VAX1: variants seen among roughly 807,000 people sequenced by gnomAD.
VAX1 encodes the protein ventral anterior homeobox 1.
VAX1 carries 6 observed loss-of-function variants against 17.6 expected under a neutral mutation model. The ratio of observed to expected loss-of-function variants is 0.34; its 90% confidence interval spans 0.19 to 0.67. VAX1 has a LOEUF of 0.67. VAX1 is among the 30% of genes least tolerant of loss of function. VAX1 has a pLI of 0.69. For missense variants in VAX1, 408 were observed against 463.7 expected (o/e 0.88, Z 1.10); for synonymous variants, 256 against 227.4 (o/e 1.13, Z -1.13).
At chr10:117,128,961 T>C (rs1451749631), downstream of VAX1, 1 of 152,156 alleles carries the variant, frequency 6.6e-6, no homozygotes, top group African/African-American at 2.4e-5. Context: ...CTCTCTTTTC[T>C]CTCCTGCTCC....
Position 117,138,085 on chromosome 10 carries a change from GAAAAA to G in VAX1, c.-34_-30del, listed in dbSNP as rs752654441. On this transcript the variant is annotated 5_prime_UTR_variant, in exon 1 of 3. Transcript: ENST00000369206. ...CAAGAACAACAACAAAAACAGAAAG[GAAAAA>G]AAAAGCAAAAAAAAAAAAAAGGGGG... 1 of 217,918 alleles carries G rather than the reference GAAAAA, an allele frequency of 4.6e-6. No individual in the cohort carries two copies. Among genetic ancestry groups the G allele is most frequent in the Middle Eastern group, 6.7e-4 (1 of 1,496 alleles). The allele number at this position is 217,918 out of a possible 1,614,324, so 13.5% of individuals were successfully genotyped here. A position where few individuals can be genotyped will look rare whatever the true frequency, so the allele number is the denominator to read the frequency against.
chr10:117,135,670 G>A (rs971261923), intron 2 of VAX1, among the ~76,000 whole-genome samples: 5 of 152,362 alleles, frequency 3.3e-5, no homozygotes, highest in Non-Finnish European at 5.9e-5. Context: ...GAAGGCTGCC[G>A]TAGCTAGGCC....
downstream of VAX1, chr10:117,129,871 G>A (rs1854062994): frequency 1.3e-5 from 2 of 152,082 alleles, no homozygotes; most frequent in East Asian, 3.9e-4. Flanking sequence ...AAAAAAGGAA[G>A]GAGGGAGAAA....
At chr10:117,132,367 A>C, downstream of VAX1, 1 of 1,610,570 alleles carries the variant, frequency 6.2e-7, no homozygotes. The surrounding 1 kb of genome is among the most constrained non-coding windows in gnomAD (Gnocchi z 4.9). Context: ...CACTCTCACC[A>C]CATAAATACA....
chr10:117,132,435 C>T (rs1343935573), downstream of VAX1: 5 of 1,612,484 alleles, frequency 3.1e-6, no homozygotes, highest in South Asian at 1.1e-5. The surrounding 1 kb of genome is among the most constrained non-coding windows in gnomAD (Gnocchi z 4.9). Context: ...TTCAGTGACA[C>T]CTACCCGCGT....
At chr10:117,131,654 G>GC (rs1328015674), downstream of VAX1, 9 of 152,406 alleles carry the variant, frequency 5.9e-5, no homozygotes, top group African/African-American at 2.2e-4. Flanking sequence ...CGCGGACTTC[G>GC]CCCCGTGCTG....
At position 117,137,216 on chromosome 10, in the gene VAX1, G is replaced by T. The variant is rs1237667634; in HGVS notation, c.242-557C>A. Among the ~76,000 whole-genome samples the T allele has an allele frequency of 1.3e-5, 2 of 152,098 alleles. No homozygotes were observed. Among genetic ancestry groups the T allele is most frequent in the Non-Finnish European group, 2.9e-5 (2 of 68,000 alleles). On this transcript the variant is annotated intron_variant, in intron 1 of 2. Transcript: ENST00000369206. This position sits in a 1 kb window ranked among gnomAD's most constrained non-coding sequence, Gnocchi z 7.4. ...CGGCCTCGCAGCCTCCGCCGCCGGGGCTAAGTGCACGCCGCGCCATCCGAG... is the reference window on the plus strand; with the variant it reads ...CGGCCTCGCAGCCTCCGCCGCCGGGTCTAAGTGCACGCCGCGCCATCCGAG...
Position 117,138,085 on chromosome 10 carries a change from GA to G in VAX1, c.-30del, listed in dbSNP as rs752654441. 1,311 of 216,924 alleles carry G rather than the reference GA, an allele frequency of 6.0e-3. 17 individuals carry two copies. The highest frequency in any genetic ancestry group is 0.05 in the African/African-American group (1,031 of 20,528). 13.4% of individuals were successfully genotyped at this position (216,924 alleles called of 1,614,324 possible). A position where few individuals can be genotyped will look rare whatever the true frequency, so the allele number is the denominator to read the frequency against. ...CAAGAACAACAACAAAAACAGAAAG[GA>G]AAAAAAAAGCAAAAAAAAAAAAAAG... On this transcript the variant is annotated 5_prime_UTR_variant, in exon 1 of 3. Transcript: ENST00000369206.
At chr10:117,129,277 T>C (rs537456266), downstream of VAX1, 3 of 152,594 alleles carry the variant, frequency 2.0e-5, no homozygotes, top group African/African-American at 7.2e-5. Context: ...CCCAACCTAG[T>C]TTCTGATTCA....
chr10:117,133,444 A>T lies in VAX1; in HGVS notation c.*564T>A. 1.0e-6 allele frequency: 1 copy of T among 985,492 alleles called. No individual in the cohort carries two copies. The highest frequency in any genetic ancestry group is 1.2e-6 in the Non-Finnish European group (1 of 830,034). 61.0% of individuals were successfully genotyped at this position (985,492 alleles called of 1,614,324 possible). ...AAAACCGCAGGATTTGCCCGCCAGG[A>T]AGCTGTGTTGTGTACCGACTATCCC... is the stretch of plus-strand genomic sequence containing the variant. On this transcript the variant is annotated 3_prime_UTR_variant, in exon 3 of 3. Coordinates refer to ENST00000369206, the MANE Select transcript of VAX1 (RefSeq NM_001112704.2).
rs1854149435 is a variant in VAX1 at position 117,134,730 on chromosome 10, G to C, written c.430-147C>G. ...CCACCCAGCAGCCGGAGGGGTCCGG[G>C]CCGGGGCGCTGCTGGGGGAGCTGGC... On this transcript the variant is annotated intron_variant, in intron 2 of 2. Transcript: ENST00000369206. The surrounding 1 kb of genome is among the most constrained non-coding windows in gnomAD (Gnocchi z 6.2). The C allele has an allele frequency of 1.2e-6, 1 of 807,484 alleles. No individual in the cohort carries two copies. Among genetic ancestry groups the C allele is most frequent in the Non-Finnish European group, 1.8e-6 (1 of 561,874 alleles). The allele number at this position is 807,484 out of a possible 1,614,324, so 50.0% of individuals were successfully genotyped here.
downstream of VAX1, chr10:117,132,094 A>C (rs1337018551): frequency 1.8e-6 from 2 of 1,081,176 alleles, no homozygotes; most frequent in African/African-American, 3.2e-5. The surrounding 1 kb of genome is among the most constrained non-coding windows in gnomAD (Gnocchi z 4.9). Flanking sequence ...CGAGAGCGAA[A>C]CACTCAAGGA....
In VAX1 at chr10:117,133,500, C is replaced by T. The variant is rs1279114193; in HGVS notation, c.*508G>A. On this transcript the variant is annotated 3_prime_UTR_variant, in exon 3 of 3. Transcript: ENST00000369206. The stretch of plus-strand genomic sequence containing the variant: ...GTCCGCAAAGCGGGGCCCAGGGGCT[C>T]CCACAAGCCCTGGTTTCCCTGGCAA... 9 of 985,620 alleles carry T rather than the reference C, an allele frequency of 9.1e-6. No homozygotes were observed. The highest frequency in any genetic ancestry group is 1.1e-5 in the Non-Finnish European group (9 of 830,088). 61.1% of individuals were successfully genotyped at this position (985,620 alleles called of 1,614,324 possible). A position where few individuals can be genotyped will look rare whatever the true frequency, so the allele number is the denominator to read the frequency against.
downstream of VAX1, chr10:117,132,397 AC>A: frequency 1.2e-6 from 2 of 1,611,494 alleles, no homozygotes; most frequent in Non-Finnish European, 1.7e-6. The surrounding 1 kb of genome is among the most constrained non-coding windows in gnomAD (Gnocchi z 4.9). Flanking sequence ...AATATCCAAA[AC>A]ATTCAGAACA....
chr10:117,130,022 A>G (rs2133655836), downstream of VAX1: 1 of 152,256 alleles, frequency 6.6e-6, no homozygotes, highest in African/African-American at 2.4e-5. Context: ...GCACAAAAAG[A>G]AGGAAAGGAG....
chr10:117,132,963 CA>C (rs947509798), downstream of VAX1, among the ~76,000 whole-genome samples: 9 of 152,126 alleles, frequency 5.9e-5, no homozygotes, highest in Admixed American at 6.5e-5. The surrounding 1 kb of genome is among the most constrained non-coding windows in gnomAD (Gnocchi z 4.9). Flanking sequence ...CCAAACCGAG[CA>C]ATTGTGCCCG....
Position 117,137,983 on chromosome 10 carries a change from G to A in VAX1, c.74C>T (p.Ala25Val), listed in dbSNP as rs903654164. The part of the protein sequence containing the change: ...DAEAARVSKN[A>V]HKESRESKGA... ...CTTGCTCTCCCGACTCTCCTTGTGC[G>A]CGTTCTTCGAGACCCGGGCAGCCTC... The change falls in exon 1 of 3, where the codon GCG (alanine) becomes GTG (valine). Residue 25 changes from alanine to valine, a missense_variant. By Grantham distance (64) the Ala-to-Val change is moderately conservative. This residue lies in a region of VAX1 where 133 missense variants were observed against 112.0 expected (regional missense o/e 1.19). Transcript: ENST00000369206. The surrounding 1 kb of genome is among the most constrained non-coding windows in gnomAD (Gnocchi z 7.4). 1 of 1,613,808 alleles carries A rather than the reference G, an allele frequency of 6.2e-7. No individual in the cohort carries two copies. The highest frequency in any genetic ancestry group is 1.3e-5 in the African/African-American group (1 of 74,990).
chr10:117,133,025 C>T (rs1211186399), downstream of VAX1, among the ~76,000 whole-genome samples: 4 of 152,250 alleles, frequency 2.6e-5, no homozygotes, highest in African/African-American at 9.6e-5. Flanking sequence ...GCGCAGGCTA[C>T]CGCCGGCAGC....
At chr10:117,129,196 A>T (rs1426528716), downstream of VAX1, 1 of 152,244 alleles carries the variant, frequency 6.6e-6, no homozygotes, top group Non-Finnish European at 1.5e-5. Flanking sequence ...GCCATTTAAT[A>T]CAGTACTTCT....
Sources: gnomAD v4.1 joint callset for allele counts (sites outside exome capture counted in the v4.1 genomes callset) on GRCh38, gnomAD v4.1.1 for gene constraint, gnomAD v4.1.1 regional missense constraint, Gnocchi (gnomAD v3.1) non-coding constraint, MANE v1.5 for transcripts, NCBI Gene and HGNC (gene_info 2026-07-23, HGNC 2026-07-21) for gene names.